The following RAB5IF variants were observed in gnomAD, a reference collection of about 807,000 sequenced individuals.
RAB5IF encodes GEL complex subunit OPTI.
In RAB5IF, 15 loss-of-function variants were observed where a neutral mutation model predicts 20.3. The observed-to-expected ratio is 0.74, with a 90% CI of 0.50 to 1.14. The LOEUF (loss-of-function observed/expected upper bound fraction) is 1.14, where lower values mean the gene tolerates loss of function less well. Ranked by LOEUF, RAB5IF falls within the 50% of genes most tolerant of loss-of-function variation. The probability of loss-of-function intolerance (pLI) is 0.00; values close to 1 mark genes in which losing one functional copy is unlikely to be tolerated. For missense variants in RAB5IF, 148 were observed against 159.5 expected (o/e 0.93, Z 0.39); for synonymous variants, 67 against 63.7 (o/e 1.05, Z -0.25).
intron 2 of RAB5IF, among the ~76,000 whole-genome samples, chr20:36,608,881 C>G (rs547877764): frequency 2.0e-5 from 3 of 151,628 alleles, no homozygotes; most frequent in Non-Finnish European, 2.9e-5. Context: ...TGTTCCTAGC[C>G]CCCTAATTGA....
At chr20:36,609,927 A>C (rs2039068325) in intron 3 of RAB5IF, 197 bp downstream of exon 3, 1 of 824,628 alleles carries the variant, frequency 1.2e-6, no homozygotes, top group African/African-American at 1.8e-5. Flanking sequence ...GTCCCCTGTA[A>C]TGTGTAAATC....
chr20:36,611,436 G>A (rs1030733569), intron 3 of RAB5IF, among the ~76,000 whole-genome samples: 22 of 143,738 alleles, frequency 1.5e-4, no homozygotes, highest in Non-Finnish European at 3.1e-4. Context: ...TCTCTACAGG[G>A]GAAAAAAAAA....
rs2039030040 is a variant in RAB5IF, at chr20:36,609,203, G to GAGTTTCGCTGTTGCCCAGGCA, written c.219-398_219-397insAGTTTCGCTGTTGCCCAGGCA. 1.4e-4 allele frequency among the ~76,000 whole-genome samples: 5 copies of GAGTTTCGCTGTTGCCCAGGCA among 34,612 alleles called. 1 individual carries two copies. The highest frequency in any genetic ancestry group is 2.2e-4 in the Non-Finnish European group (4 of 18,580). The allele number at this position is 34,612 out of a possible 152,430, so 22.7% of individuals were successfully genotyped here. A position where few individuals can be genotyped will look rare whatever the true frequency, so the allele number is the denominator to read the frequency against. ...CACACACACACACACACGCACACAC[G>GAGTTTCGCTGTTGCCCAGGCA]CACACACGCACACACGCACACACAC... On this transcript the variant is annotated intron_variant, in intron 2 of 3. Transcript: ENST00000344795.
intron 1 of RAB5IF, 127 bp from the exon 2 acceptor site, chr20:36,607,588 A>ATT (rs2147956449): frequency 1.9e-6 from 2 of 1,047,830 alleles, no homozygotes; most frequent in Non-Finnish European, 2.8e-6. Flanking sequence ...CAGGAAGCAC[A>ATT]TACTGTTGCC....
At chr20:36,609,254 C>T (rs962318184) in intron 2 of RAB5IF, among the ~76,000 whole-genome samples, 24 of 135,272 alleles carry the variant, frequency 1.8e-4, no homozygotes, top group African/African-American at 7.4e-4. Context: ...CACACACACA[C>T]ACTATATATA....
chr20:36,611,513 A>C (rs1396111403), intron 3 of RAB5IF, among the ~76,000 whole-genome samples: 1 of 151,740 alleles, frequency 6.6e-6, no homozygotes, highest in Non-Finnish European at 1.5e-5. Flanking sequence ...AAAAAAAAAA[A>C]AACCACAAAA....
In RAB5IF at chr20:36,609,242, C is replaced by T. The variant is rs1233232578; in HGVS notation, c.219-359C>T. On this transcript the variant is annotated intron_variant, in intron 2 of 3. Transcript: ENST00000344795. Reference sequence around the variant, plus strand: ...ACGCACACACACACACACACACACACACACACACACACACTATATATAGAG... The same window carrying T: ...ACGCACACACACACACACACACACATACACACACACACACTATATATAGAG... Among the ~76,000 whole-genome samples, 472 of 133,276 alleles carry T rather than the reference C, an allele frequency of 3.5e-3. 4 individuals are homozygous for T. Among genetic ancestry groups the T allele is most frequent in the African/African-American group, 0.014 (446 of 30,854 alleles). The allele number at this position is 133,276 out of a possible 152,430, so 87.4% of individuals were successfully genotyped here.
intron 2 of RAB5IF, among the ~76,000 whole-genome samples, chr20:36,609,233 A>ACC (rs2039038541): frequency 7.9e-6 from 1 of 126,970 alleles, no homozygotes; most frequent in Non-Finnish European, 1.6e-5. Flanking sequence ...ACACACACAC[A>ACC]CACACACACA....
At position 36,609,567 on chromosome 20, in the gene RAB5IF, A is replaced by G. The variant is rs777485382; in HGVS notation, c.219-34A>G. On this transcript the variant is annotated intron_variant, in intron 2 of 3. Coordinates refer to ENST00000344795, the MANE Select transcript of RAB5IF (RefSeq NM_018840.5). ...GAGTTCTGAGTCTTCTAAGCTTTCA[A>G]TTTATGTTTGGTACTTGTTCTCTGT... 2.3e-5 allele frequency: 35 copies of G among 1,544,014 alleles called. No individual in the cohort carries two copies. In the South Asian group the frequency reaches 2.5e-4, roughly 11 times the overall value.
chr20:36,606,820 A>G (rs1030860234), intron 1 of RAB5IF, among the ~76,000 whole-genome samples: 2 of 152,166 alleles, frequency 1.3e-5, no homozygotes, highest in Non-Finnish European at 2.9e-5. Flanking sequence ...GCTTGATTCC[A>G]GGTAGCTTGA....
intron 2 of RAB5IF, among the ~76,000 whole-genome samples, chr20:36,608,460 G>C (rs963379537): frequency 6.6e-6 from 1 of 151,606 alleles, no homozygotes; most frequent in Non-Finnish European, 1.5e-5. Flanking sequence ...TCCCAGGCTG[G>C]TCTTGAACTC....
chr20:36,609,256 C>CTATATA (rs60707085), intron 2 of RAB5IF, among the ~76,000 whole-genome samples: 5 of 121,668 alleles, frequency 4.1e-5, no homozygotes, highest in South Asian at 5.2e-4. Flanking sequence ...CACACACACA[C>CTATATA]TATATATAGA....
intron 2 of RAB5IF, among the ~76,000 whole-genome samples, chr20:36,609,210 C>CACACACTATATATA (rs2039032133): frequency 3.3e-5 from 2 of 60,220 alleles, no homozygotes; most frequent in Non-Finnish European, 3.1e-5. Context: ...CACGCACACA[C>CACACACTATATATA]GCACACACGC....
intron 1 of RAB5IF, among the ~76,000 whole-genome samples, chr20:36,607,077 C>G (rs1265793194): frequency 6.6e-6 from 1 of 152,126 alleles, no homozygotes; most frequent in Non-Finnish European, 1.5e-5. Flanking sequence ...CTGTGTTCTT[C>G]CATTAAACTT....
intron 2 of RAB5IF, 30 bp downstream of exon 2, chr20:36,607,848 G>T: frequency 6.2e-7 from 1 of 1,611,886 alleles, no homozygotes; most frequent in Non-Finnish European, 8.5e-7. Context: ...TATTTTCATG[G>T]TATCATTTCT....
intron 3 of RAB5IF, among the ~76,000 whole-genome samples, chr20:36,610,384 A>G (rs767571634): frequency 3.3e-5 from 5 of 152,160 alleles, no homozygotes; most frequent in African/African-American, 4.8e-5. Flanking sequence ...GTATCCATAC[A>G]GTAGAATGTT....
chr20:36,611,671 A>G (rs2039124296), intron 3 of RAB5IF, among the ~76,000 whole-genome samples: 1 of 152,034 alleles, frequency 6.6e-6, no homozygotes. Flanking sequence ...CTGACAAGTT[A>G]TAGTATTTTC....
chr20:36,612,137 GC>G lies in RAB5IF; in HGVS notation c.*90del. Reference sequence around the variant, plus strand: ...GGAACTTGATCGTTGGGGAACCCCAGCCCCTTGGAACTTGGAAGACCCGTGT... The same window carrying G: ...GGAACTTGATCGTTGGGGAACCCCAGCCCTTGGAACTTGGAAGACCCGTGT... On this transcript the variant is annotated 3_prime_UTR_variant, in exon 4 of 4. Transcript: ENST00000344795. 5 of 1,614,198 alleles carry G rather than the reference GC, an allele frequency of 3.1e-6. No homozygotes were observed. The highest frequency in any genetic ancestry group is 4.2e-6 in the Non-Finnish European group (5 of 1,180,036).
At chr20:36,607,477 G>C (rs1420963305) in intron 1 of RAB5IF, among the ~76,000 whole-genome samples, 2 of 152,016 alleles carry the variant, frequency 1.3e-5, no homozygotes, top group Non-Finnish European at 2.9e-5. Flanking sequence ...TGATCCACCC[G>C]CCTCGGCCTC....
Sources: gnomAD v4.1 joint callset for allele counts (sites outside exome capture counted in the v4.1 genomes callset) on GRCh38, gnomAD v4.1.1 for gene constraint, MANE v1.5 for transcripts, NCBI Gene and HGNC (gene_info 2026-07-23, HGNC 2026-07-21) for gene names.